PTPRT: variants seen among roughly 807,000 people sequenced by gnomAD.
PTPRT encodes the protein protein tyrosine phosphatase receptor type T.
PTPRT carries 56 observed loss-of-function variants against 176.8 expected under a neutral mutation model. That is an observed-to-expected ratio of 0.32 (90% CI 0.26 to 0.40). PTPRT has a LOEUF of 0.40. PTPRT is among the 10% of genes least tolerant of loss of function. The probability of loss-of-function intolerance (pLI) is 1.00; values close to 1 mark genes in which losing one functional copy is unlikely to be tolerated. For synonymous variants in PTPRT, 783 were observed against 739.0 expected (o/e 1.06, Z -0.96); for missense variants, 1,540 against 1,908.2 (o/e 0.81, Z 3.60).
intron 1 of PTPRT, among the ~76,000 whole-genome samples, chr20:42,962,053 T>G (rs1982013290): frequency 6.6e-6 from 1 of 152,158 alleles, no homozygotes; most frequent in South Asian, 2.1e-4. Flanking sequence ...AGTTTAGACT[T>G]CTGACCTCCA....
At chr20:42,098,286 C>T (rs978972036) in intron 27 of PTPRT, 135 bp downstream of exon 27, 4 of 1,230,954 alleles carry the variant, frequency 3.2e-6, no homozygotes, top group African/African-American at 3.0e-5. Context: ...GTCTGATGCT[C>T]GTGGCCAGAC....
At chr20:42,894,115 G>A (rs2079249381) in intron 1 of PTPRT, among the ~76,000 whole-genome samples, 1 of 152,082 alleles carries the variant, frequency 6.6e-6, no homozygotes, top group Non-Finnish European at 1.5e-5. Context: ...AGAAAGAAGG[G>A]AAGTCCAAGG....
At chr20:42,897,674 AAGG>A (rs2079327245) in intron 1 of PTPRT, among the ~76,000 whole-genome samples, 1 of 152,226 alleles carries the variant, frequency 6.6e-6, no homozygotes, top group Admixed American at 6.5e-5. Context: ...GACACAGAAC[AAGG>A]TAGCAGTTAA....
intron 6 of PTPRT, among the ~76,000 whole-genome samples, chr20:42,715,446 A>G (rs936130845): frequency 6.6e-6 from 1 of 152,198 alleles, no homozygotes; most frequent in Non-Finnish European, 1.5e-5. Flanking sequence ...AGGAAATCAC[A>G]GCAGAGACAT....
chr20:42,963,307 AC>A (rs1302725215), intron 1 of PTPRT, among the ~76,000 whole-genome samples: 5 of 151,596 alleles, frequency 3.3e-5, no homozygotes, highest in Admixed American at 6.6e-5. Flanking sequence ...AATCGCTTGA[AC>A]CCAGGAGGCA....
intron 7 of PTPRT, among the ~76,000 whole-genome samples, chr20:42,654,511 A>G (rs988915880): frequency 5.3e-5 from 8 of 152,160 alleles, no homozygotes; most frequent in African/African-American, 1.4e-4. Flanking sequence ...GCACGAAACT[A>G]TTCAAGCGGA....
chr20:42,983,618 C>T (rs1486625684), intron 1 of PTPRT, among the ~76,000 whole-genome samples: 1 of 152,146 alleles, frequency 6.6e-6, no homozygotes, highest in African/African-American at 2.4e-5. Flanking sequence ...TCTGGGGATG[C>T]CCACTTCACA....
At chr20:42,305,687 A>T (rs1376955786) in intron 12 of PTPRT, among the ~76,000 whole-genome samples, 1 of 152,126 alleles carries the variant, frequency 6.6e-6, no homozygotes, top group Non-Finnish European at 1.5e-5. Flanking sequence ...GCAAAGAGTT[A>T]TCACGCCTAC....
chr20:42,385,251 C>A (rs1414648806), intron 9 of PTPRT, among the ~76,000 whole-genome samples: 1 of 152,120 alleles, frequency 6.6e-6, no homozygotes, highest in Non-Finnish European at 1.5e-5. Flanking sequence ...TACATTAAAT[C>A]TTTAATCCAT....
In PTPRT at chr20:42,631,687, C is replaced by T. The variant is rs76137885; in HGVS notation, c.1153+46179G>A. Among the ~76,000 whole-genome samples, 992 of 152,266 alleles carry T rather than the reference C, an allele frequency of 6.5e-3. 14 individuals carry two copies. The highest frequency in any genetic ancestry group is 0.016 in the African/African-American group (683 of 41,528). Reference sequence around the variant, plus strand: ...GATTCTCTGAGTCAGTGAACATTGGCTGCCCCAGGAAGGAGCCCAATCTTG... The same window carrying T: ...GATTCTCTGAGTCAGTGAACATTGGTTGCCCCAGGAAGGAGCCCAATCTTG... On this transcript the variant is annotated intron_variant, in intron 7 of 30. Transcript: ENST00000373187.
chr20:42,985,226 G>C (rs1405054656), intron 1 of PTPRT, among the ~76,000 whole-genome samples: 1 of 152,170 alleles, frequency 6.6e-6, no homozygotes, highest in Non-Finnish European at 1.5e-5. Context: ...GCCGGGTGTG[G>C]TGGCTCACAC....
chr20:42,223,119 T>C (rs930299685), intron 15 of PTPRT, among the ~76,000 whole-genome samples: 2 of 150,690 alleles, frequency 1.3e-5, no homozygotes, highest in African/African-American at 4.9e-5. Flanking sequence ...TGTGAGAGAG[T>C]TTTTCTTGAC....
intron 1 of PTPRT, among the ~76,000 whole-genome samples, chr20:43,148,076 T>C (rs895221461): frequency 2.6e-5 from 4 of 152,178 alleles, no homozygotes; most frequent in African/African-American, 9.7e-5. Context: ...ACACGTGCAA[T>C]CTACACAGAG....
chr20:42,989,731 A>G (rs1983785378), intron 1 of PTPRT, among the ~76,000 whole-genome samples: 1 of 152,150 alleles, frequency 6.6e-6, no homozygotes, highest in African/African-American at 2.4e-5. Context: ...AGACTGCTGT[A>G]TTTTCTGATT....
intron 7 of PTPRT, among the ~76,000 whole-genome samples, chr20:42,495,981 A>G (rs2071646246): frequency 1.3e-5 from 2 of 152,192 alleles, no homozygotes; most frequent in African/African-American, 4.8e-5. Flanking sequence ...GATAACATGA[A>G]CAGTTGGTTA....
chr20:42,211,601 C>T (rs199904512), intron 15 of PTPRT, among the ~76,000 whole-genome samples: 45,784 of 145,196 alleles, frequency 0.32, 7,658 homozygotes, highest in Non-Finnish European at 0.36. Flanking sequence ...AATGAGATAC[C>T]ATCTCACACC....
At chr20:42,165,371 C>G (rs953609891) in intron 16 of PTPRT, among the ~76,000 whole-genome samples, 4 of 152,172 alleles carry the variant, frequency 2.6e-5, no homozygotes, top group African/African-American at 9.7e-5. Context: ...AAGCAGGCCA[C>G]AGCCCTTGAA....
intron 7 of PTPRT, among the ~76,000 whole-genome samples, chr20:42,670,242 T>C (rs1202259392): frequency 6.6e-6 from 1 of 152,146 alleles, no homozygotes; most frequent in Non-Finnish European, 1.5e-5. Context: ...GGCCCCTAAG[T>C]TCCCGGTTCT....
intron 1 of PTPRT, among the ~76,000 whole-genome samples, chr20:43,002,655 T>C: frequency 6.6e-6 from 1 of 152,000 alleles, no homozygotes; most frequent in East Asian, 1.9e-4. Flanking sequence ...AAAATAGCAA[T>C]TACAGATTTT....
Sources: allele counts gnomAD v4.1 joint callset (sites outside exome capture counted in the v4.1 genomes callset), GRCh38; gene constraint gnomAD v4.1.1; transcripts MANE v1.5; gene names NCBI Gene and HGNC (gene_info 2026-07-23, HGNC 2026-07-21).